The following MED12L variants were observed in gnomAD, a reference collection of about 807,000 sequenced individuals.
The protein encoded by MED12L is mediator of RNA polymerase II transcription subunit 12-like protein.
MED12L carries 60 observed loss-of-function variants against 281.3 expected under a neutral mutation model. The ratio of observed to expected loss-of-function variants is 0.21; its 90% CI spans 0.17 to 0.26. MED12L has a LOEUF of 0.26. Among genes scored for constraint, MED12L ranks in the 10% least tolerant of loss-of-function variants. The pLI, the probability that MED12L is intolerant of heterozygous loss-of-function variation, is 1.00. For synonymous variants in MED12L, 974 were observed against 987.2 expected (o/e 0.99, Z 0.25); for missense variants, 2,146 against 2,680.9 (o/e 0.80, Z 4.41).
At chr3:151,205,311 T>C (rs1295343233) in intron 16 of MED12L, among the ~76,000 whole-genome samples, 1 of 152,186 alleles carries the variant, frequency 6.6e-6, no homozygotes, top group Admixed American at 6.5e-5. Context: ...AATCTATTCA[T>C]TACTTATGAA....
In MED12L at chr3:151,093,413, G is replaced by A. The variant is rs1450934726; in HGVS notation, c.99+6388G>A. Among the ~76,000 whole-genome samples the A allele has an allele frequency of 2.6e-5, 4 of 152,188 alleles. No homozygotes were observed. The East Asian group carries it at 5.8e-4, about 22-fold the overall frequency. On this transcript the variant is annotated intron_variant, in intron 2 of 44. Transcript: ENST00000687756. Reference sequence around the variant, plus strand: ...TTAAACAAGCTTTCTAGGTGATTCCGAAACATGTCAAGCTTGAAAACCTTT... The same window carrying A: ...TTAAACAAGCTTTCTAGGTGATTCCAAAACATGTCAAGCTTGAAAACCTTT...
At chr3:151,248,895 G>A (rs1577117839) in intron 16 of MED12L, 1 of 152,248 alleles carries the variant, frequency 6.6e-6, no homozygotes, top group South Asian at 2.1e-4. Context: ...GTTCTCTGTA[G>A]GCAAGATAGG....
Position 151,169,707 on chromosome 3 carries a change from G to C in MED12L, c.1494+3725G>C, listed in dbSNP as rs576748366. Among the ~76,000 whole-genome samples the C allele has an allele frequency of 6.8e-4, 103 of 152,326 alleles. 1 individual carries two copies. The South Asian group carries it at 0.014, about 21-fold the overall frequency. On this transcript the variant is annotated intron_variant, in intron 11 of 44. Transcript: ENST00000687756. ...CTGGAAGAACTAATGTGATGATGCT[G>C]TTCTCTGATAAGGAGTTACGTGTGG... is the stretch of plus-strand genomic sequence containing the variant.
chr3:151,133,189 G>A (rs976153773), intron 5 of MED12L, among the ~76,000 whole-genome samples: 7 of 152,272 alleles, frequency 4.6e-5, no homozygotes, highest in Admixed American at 6.5e-5. Context: ...TAATAGAAAC[G>A]TGTTTTATTT....
intron 7 of MED12L, 59 bp from the exon 8 acceptor site, chr3:151,159,773 A>T: frequency 4.1e-6 from 6 of 1,478,362 alleles, no homozygotes; most frequent in Non-Finnish European, 4.6e-6. Context: ...GTGTTAAAAT[A>T]GTTATTTAAC....
intron 2 of MED12L, among the ~76,000 whole-genome samples, chr3:151,090,505 C>G (rs887722347): frequency 3.3e-5 from 5 of 152,124 alleles, no homozygotes; most frequent in African/African-American, 1.2e-4. Flanking sequence ...GGCAGAAGTA[C>G]CTGGCACCTG....
At chr3:151,335,498 C>T (rs1485686319) in intron 16 of MED12L, among the ~76,000 whole-genome samples, 2 of 152,140 alleles carry the variant, frequency 1.3e-5, no homozygotes, top group Non-Finnish European at 2.9e-5. Flanking sequence ...CTGTCAATAA[C>T]CAATACCTTT....
At chr3:151,184,743 C>T (rs1224577528) in intron 11 of MED12L, among the ~76,000 whole-genome samples, 1 of 152,166 alleles carries the variant, frequency 6.6e-6, no homozygotes, top group Non-Finnish European at 1.5e-5. Context: ...ACTGTGTCTG[C>T]CCTTAATTGT....
chr3:151,423,016 A>T (rs66695353), intron 43 of MED12L, among the ~76,000 whole-genome samples: 128 of 141,610 alleles, frequency 9.0e-4, no homozygotes, highest in East Asian at 2.8e-3. Context: ...AGATCATAAA[A>T]ATATATATAT....
intron 39 of MED12L, among the ~76,000 whole-genome samples, chr3:151,403,426 T>C (rs548200944): frequency 6.6e-6 from 1 of 152,304 alleles, no homozygotes; most frequent in Non-Finnish European, 1.5e-5. Flanking sequence ...CATAGGCCAA[T>C]GCAAGATAAT....
At chr3:151,229,443 A>G (rs1047563926) in intron 16 of MED12L, among the ~76,000 whole-genome samples, 1 of 146,644 alleles carries the variant, frequency 6.8e-6, no homozygotes, top group African/African-American at 2.5e-5. Flanking sequence ...AGTAGCTGGG[A>G]CTACAGGCTC....
intron 16 of MED12L, chr3:151,316,733 C>T (rs1013075216): frequency 4.6e-5 from 7 of 152,158 alleles, no homozygotes; most frequent in African/African-American, 1.7e-4. Flanking sequence ...GAAACATCTC[C>T]CCTACCAGAC....
rs1354640998 is a variant in MED12L at position 151,434,817 on chromosome 3, C to T, written c.*2013C>T. On this transcript the variant is annotated 3_prime_UTR_variant, in exon 45 of 45. Transcript: ENST00000687756. ...AAGAATGAGTGTTATAATTGCATAGCATTTGTATGCACTTTATACTTTGCA... is the reference window on the plus strand; with the variant it reads ...AAGAATGAGTGTTATAATTGCATAGTATTTGTATGCACTTTATACTTTGCA... 1 of 152,188 alleles carries T rather than the reference C, an allele frequency of 6.6e-6. No homozygotes were observed. The highest frequency in any genetic ancestry group is 6.5e-5 in the Admixed American group (1 of 15,276). 9.4% of individuals were successfully genotyped at this position (152,188 alleles called of 1,614,324 possible). A position where few individuals can be genotyped will look rare whatever the true frequency, so the allele number is the denominator to read the frequency against.
At chr3:151,426,134 A>C (rs758261253) in intron 43 of MED12L, among the ~76,000 whole-genome samples, 2 of 152,188 alleles carry the variant, frequency 1.3e-5, no homozygotes, top group Non-Finnish European at 2.9e-5. Context: ...TAAAAATTCA[A>C]CTCCCACCAC....
intron 16 of MED12L, among the ~76,000 whole-genome samples, chr3:151,233,220 C>T (rs1267943434): frequency 6.6e-6 from 1 of 152,190 alleles, no homozygotes; most frequent in African/African-American, 2.4e-5. Flanking sequence ...GTAGCACTCT[C>T]GTGCCCTCTG....
intron 39 of MED12L, among the ~76,000 whole-genome samples, chr3:151,407,653 T>C (rs1716480533): frequency 6.6e-6 from 1 of 152,222 alleles, no homozygotes; most frequent in African/African-American, 2.4e-5. Context: ...GTTTGGGCTA[T>C]ATTTCTCTAA....
intron 16 of MED12L, among the ~76,000 whole-genome samples, chr3:151,266,139 C>T (rs1027160441): frequency 4.6e-5 from 7 of 152,120 alleles, no homozygotes; most frequent in Middle Eastern, 3.2e-3. Flanking sequence ...TGCAGCACAA[C>T]GTTGTTACGG....
chr3:151,113,799 G>A (rs1360631679), intron 2 of MED12L, among the ~76,000 whole-genome samples: 1 of 152,134 alleles, frequency 6.6e-6, no homozygotes, highest in African/African-American at 2.4e-5. Flanking sequence ...ACTCAGGAGT[G>A]GGTGTGTCTC....
At chr3:151,134,918 T>C (rs1576799473) in intron 5 of MED12L, among the ~76,000 whole-genome samples, 1 of 147,464 alleles carries the variant, frequency 6.8e-6, no homozygotes, top group East Asian at 2.0e-4. Context: ...GAGTTCCCTC[T>C]GGTGCATGAT....
Sources: allele counts gnomAD v4.1 joint callset (sites outside exome capture counted in the v4.1 genomes callset), GRCh38; gene constraint gnomAD v4.1.1; transcripts MANE v1.5; gene names NCBI Gene and HGNC (gene_info 2026-07-23, HGNC 2026-07-21).